MBNL2: variants seen among roughly 807,000 people sequenced by gnomAD.
The protein encoded by MBNL2 is muscleblind-like protein 2.
A neutral mutation model predicts 41.9 loss-of-function variants in MBNL2; 17 were observed. The ratio of observed to expected loss-of-function variants is 0.41; its 90% confidence interval spans 0.28 to 0.61. MBNL2 has a LOEUF of 0.61. Among genes scored for constraint, MBNL2 ranks in the 20% least tolerant of loss-of-function variants. MBNL2 has a pLI of 0.35. For synonymous variants in MBNL2, 195 were observed against 182.9 expected (o/e 1.07, Z -0.53); for missense variants, 336 against 505.6 (o/e 0.66, Z 3.22).
At chr13:97,218,607 T>C (rs1048797086), upstream of MBNL2, among the ~76,000 whole-genome samples, 2 of 152,092 alleles carry the variant, frequency 1.3e-5, no homozygotes, top group Non-Finnish European at 2.9e-5. Flanking sequence ...ATAGTTGATA[T>C]CTTCTTGCTA....
chr13:97,274,243 C>A (rs1185557517), intron 1 of MBNL2, among the ~76,000 whole-genome samples: 1 of 152,052 alleles, frequency 6.6e-6, no homozygotes, highest in African/African-American at 2.4e-5. Context: ...AATCCCAGCA[C>A]TTTGGAAGGT....
chr13:97,173,612 A>G, the MBNL2 span, among the ~76,000 whole-genome samples: 1 of 150,364 alleles, frequency 6.7e-6, no homozygotes, highest in South Asian at 2.2e-4. Context: ...CAAATCAGAC[A>G]TGTCACTCCT....
At chr13:97,224,334 C>G (rs2041262443) in intron 1 of MBNL2, among the ~76,000 whole-genome samples, 1 of 152,162 alleles carries the variant, frequency 6.6e-6, no homozygotes, top group Non-Finnish European at 1.5e-5. Flanking sequence ...GCACAGATGG[C>G]CCCAAGCAGG....
the MBNL2 span, among the ~76,000 whole-genome samples, chr13:97,214,584 A>T: frequency 6.6e-6 from 1 of 152,172 alleles, no homozygotes; most frequent in African/African-American, 2.4e-5. Flanking sequence ...CTGGCCCCTC[A>T]GTCAGAAGGT....
At chr13:97,257,757 A>G (rs1400452360) in intron 1 of MBNL2, among the ~76,000 whole-genome samples, 1 of 152,108 alleles carries the variant, frequency 6.6e-6, no homozygotes, top group African/African-American at 2.4e-5. Context: ...TGCTCCTCAG[A>G]TTTTACATTT....
At chr13:97,296,813 T>G (rs2152991260) in intron 2 of MBNL2, among the ~76,000 whole-genome samples, 1 of 152,316 alleles carries the variant, frequency 6.6e-6, no homozygotes, top group East Asian at 1.9e-4. Flanking sequence ...TAAGTCTGAC[T>G]TCATGGAGCT....
chr13:97,273,789 G>A (rs946362768), intron 1 of MBNL2, among the ~76,000 whole-genome samples: 6 of 152,112 alleles, frequency 3.9e-5, no homozygotes, highest in Non-Finnish European at 4.4e-5. Context: ...GGCCGGACGC[G>A]GTGGCTCACG....
chr13:97,387,654 C>G (rs2066036743), intron 8 of MBNL2, among the ~76,000 whole-genome samples: 1 of 152,198 alleles, frequency 6.6e-6, no homozygotes. Context: ...GGAGGGGATG[C>G]CTTCACCAAT....
chr13:97,354,021 G>A (rs936114632), intron 5 of MBNL2, among the ~76,000 whole-genome samples: 8 of 145,124 alleles, frequency 5.5e-5, no homozygotes, highest in African/African-American at 8.0e-5. Flanking sequence ...TGATTTGCAG[G>A]TGAATTGGTC....
intron 2 of MBNL2, among the ~76,000 whole-genome samples, chr13:97,315,639 G>A (rs994766026): frequency 6.6e-6 from 1 of 152,168 alleles, no homozygotes; most frequent in Non-Finnish European, 1.5e-5. Flanking sequence ...CCAAAATAGA[G>A]GAATGGAAAC....
chr13:97,195,805 G>T, the MBNL2 span, among the ~76,000 whole-genome samples: 3 of 152,238 alleles, frequency 2.0e-5, no homozygotes, highest in East Asian at 5.8e-4. Context: ...CATGTAACAT[G>T]GTGAGGATCC....
upstream of MBNL2, among the ~76,000 whole-genome samples, chr13:97,217,256 G>A (rs989112936): frequency 1.3e-5 from 2 of 151,882 alleles, no homozygotes; most frequent in Non-Finnish European, 2.9e-5. Flanking sequence ...CCATTTCCAA[G>A]TTTATCCATT....
chr13:97,376,787 G>C (rs2065001451), intron 8 of MBNL2, among the ~76,000 whole-genome samples: 2 of 152,138 alleles, frequency 1.3e-5, no homozygotes, highest in Admixed American at 6.5e-5. Context: ...CTTAAGAGCA[G>C]ATTTTCCACC....
the MBNL2 span, among the ~76,000 whole-genome samples, chr13:97,149,436 C>A: frequency 6.6e-6 from 1 of 152,082 alleles, no homozygotes; most frequent in East Asian, 1.9e-4. Context: ...CCCCTAAAAC[C>A]TCATTGGGCT....
intron 2 of MBNL2, among the ~76,000 whole-genome samples, chr13:97,300,836 C>T (rs10508030): frequency 0.073 from 11,040 of 152,228 alleles, 602 homozygotes; most frequent in African/African-American, 0.15. Flanking sequence ...TGGCCTTTTA[C>T]CCTTGCACTC....
intron 8 of MBNL2, among the ~76,000 whole-genome samples, chr13:97,367,342 G>T (rs553661063): frequency 4.6e-4 from 70 of 152,242 alleles, no homozygotes; most frequent in Non-Finnish European, 7.2e-4. Flanking sequence ...ACAGCGTGAG[G>T]GTGAGTGAGC....
At chr13:97,257,540 A>G (rs2047787303) in intron 1 of MBNL2, among the ~76,000 whole-genome samples, 1 of 152,228 alleles carries the variant, frequency 6.6e-6, no homozygotes, top group South Asian at 2.1e-4. Context: ...GTAAATAAGA[A>G]TTGCATAACT....
chr13:97,151,912 T>G, the MBNL2 span, among the ~76,000 whole-genome samples: 1 of 152,134 alleles, frequency 6.6e-6, no homozygotes, highest in Non-Finnish European at 1.5e-5. Context: ...ATATAGTATA[T>G]TTCATCTAAC....
chr13:97,307,689 T>G (rs1244578425), intron 2 of MBNL2, among the ~76,000 whole-genome samples: 1 of 152,264 alleles, frequency 6.6e-6, no homozygotes, highest in Non-Finnish European at 1.5e-5. Context: ...TTAGTAAATA[T>G]GAATTGCTTT....
Sources: gnomAD v4.1 joint callset for allele counts (sites outside exome capture counted in the v4.1 genomes callset) on GRCh38, gnomAD v4.1.1 for gene constraint, MANE v1.5 for transcripts, NCBI Gene and HGNC (gene_info 2026-07-23, HGNC 2026-07-21) for gene names.